The following USP45 variants were observed in gnomAD, a reference collection of about 807,000 sequenced individuals.
The protein encoded by USP45 is ubiquitin specific peptidase 45.
Under a neutral mutation model 95.8 loss-of-function variants are expected in USP45, and 89 were observed. That is an observed-to-expected ratio of 0.93 (90% CI 0.78 to 1.11). The LOEUF is 1.11. Among genes scored for constraint, USP45 ranks in the 50% least tolerant of loss-of-function variants. The probability of loss-of-function intolerance (pLI) is 0.00; values close to 1 mark genes in which losing one functional copy is unlikely to be tolerated. For synonymous variants in USP45, 281 were observed against 316.2 expected (o/e 0.89, Z 1.18); for missense variants, 898 against 942.5 (o/e 0.95, Z 0.62).
intron 8 of USP45, among the ~76,000 whole-genome samples, chr6:99,481,403 A>C (rs1792387736): frequency 6.6e-6 from 1 of 152,236 alleles, no homozygotes; most frequent in Non-Finnish European, 1.5e-5. Context: ...AATTTTTAAA[A>C]TGTTAATAAA....
At chr6:99,492,477 A>G (rs1268393288) in intron 5 of USP45, among the ~76,000 whole-genome samples, 1 of 152,178 alleles carries the variant, frequency 6.6e-6, no homozygotes, top group Non-Finnish European at 1.5e-5. Context: ...TCAAACAGAT[A>G]ATTTAACTAG....
Position 99,476,141 on chromosome 6 carries a change from A to G in USP45, c.933+2T>C. The G allele has an allele frequency of 6.2e-7, 1 of 1,611,996 alleles. No individual in the cohort carries two copies. The highest frequency in any genetic ancestry group is 1.1e-5 in the South Asian group (1 of 90,858). ...TACATGATATACATAAAGAAACCTG[A>G]CCTTTGTTTCTTCTGTCCTCACTGC... On this transcript the variant is annotated splice_donor_variant, in intron 9 of 17. Coordinates refer to ENST00000500704, the MANE Select transcript of USP45 (RefSeq NM_001346022.3). LOFTEE classifies it high-confidence loss of function.
At chr6:99,505,844 G>C (rs1374287304) in intron 4 of USP45, among the ~76,000 whole-genome samples, 1 of 151,970 alleles carries the variant, frequency 6.6e-6, no homozygotes, top group African/African-American at 2.4e-5. Context: ...TCTAAGACTG[G>C]GATCCTGCAA....
At chr6:99,466,166 C>G (rs1332625425) in intron 11 of USP45, among the ~76,000 whole-genome samples, 3 of 152,134 alleles carry the variant, frequency 2.0e-5, no homozygotes, top group African/African-American at 4.8e-5. Flanking sequence ...TAGGCACCCA[C>G]CACCATGCCT....
rs578201906 is a variant in USP45, at chr6:99,452,429, C to T, written c.1309-5966G>A. ...AGCTAACAGACACATGAAAAAAATGCTCATCATCACTGGCCATCAGAGAAA... is the reference window on the plus strand; with the variant it reads ...AGCTAACAGACACATGAAAAAAATGTTCATCATCACTGGCCATCAGAGAAA... On this transcript the variant is annotated intron_variant, in intron 13 of 17. Transcript: ENST00000500704. Among the ~76,000 whole-genome samples the T allele has an allele frequency of 3.9e-5, 6 of 152,298 alleles. No individual in the cohort carries two copies. In the South Asian group the frequency reaches 1.2e-3, roughly 32 times the overall value.
chr6:99,477,629 G>A (rs1482244027), intron 8 of USP45, among the ~76,000 whole-genome samples: 1 of 152,092 alleles, frequency 6.6e-6, no homozygotes, highest in East Asian at 1.9e-4. Flanking sequence ...AGTACTTTCA[G>A]CATTATTCTT....
chr6:99,437,173 A>G, intron 17 of USP45, 73 bp downstream of exon 17: 1 of 1,456,754 alleles, frequency 6.9e-7, no homozygotes. Flanking sequence ...ATGAAATAAT[A>G]ACTTAGCTCT....
chr6:99,449,297 T>A (rs946890182), intron 13 of USP45, among the ~76,000 whole-genome samples: 1 of 151,982 alleles, frequency 6.6e-6, no homozygotes, highest in Non-Finnish European at 1.5e-5. Context: ...GAGACACACA[T>A]AGACTCAAAA....
rs201007201 is a variant in USP45, at chr6:99,479,248, CA to C, written c.846-3019del. Among the ~76,000 whole-genome samples the C allele has an allele frequency of 1.1e-3, 164 of 151,798 alleles. 4 individuals are homozygous for C. In the East Asian group the frequency reaches 0.024, roughly 23 times the overall value. On this transcript the variant is annotated intron_variant, in intron 8 of 17. Coordinates refer to ENST00000500704, the MANE Select transcript of USP45 (RefSeq NM_001346022.3). ...TAGTATATTTTATTTTTTAGAGAGACAGGGGTGACAGGAGTGCAATGACATT... is the reference window on the plus strand; with the variant it reads ...TAGTATATTTTATTTTTTAGAGAGACGGGGTGACAGGAGTGCAATGACATT...
At chr6:99,476,056 A>C in intron 9 of USP45, 87 bp downstream of exon 9, 1 of 1,228,384 alleles carries the variant, frequency 8.1e-7, no homozygotes, top group Non-Finnish European at 1.2e-6. Context: ...ACCTCAGATG[A>C]TCCACCCCGC....
At chr6:99,481,369 A>C (rs746196080) in intron 8 of USP45, among the ~76,000 whole-genome samples, 6 of 152,204 alleles carry the variant, frequency 3.9e-5, no homozygotes, top group Non-Finnish European at 7.3e-5. Flanking sequence ...ATTTTTATCT[A>C]TGAGTGCCCA....
chr6:99,460,710 T>A (rs1294410282), intron 13 of USP45: 3 of 857,866 alleles, frequency 3.5e-6, no homozygotes, highest in African/African-American at 1.8e-5. Context: ...AATAGAAAGA[T>A]TGAAATTTTC....
chr6:99,477,113 A>G (rs985395955), intron 8 of USP45, among the ~76,000 whole-genome samples: 4 of 152,356 alleles, frequency 2.6e-5, no homozygotes, highest in Non-Finnish European at 1.5e-5. Flanking sequence ...ATTATAGTAG[A>G]AGACACATTT....
chr6:99,491,965 A>G (rs1795273582), intron 5 of USP45, among the ~76,000 whole-genome samples: 2 of 152,230 alleles, frequency 1.3e-5, no homozygotes, highest in Admixed American at 6.5e-5. Context: ...AAATACATAT[A>G]TACACAGACA....
intron 2 of USP45, 101 bp from the exon 3 acceptor site, chr6:99,508,883 G>A: frequency 3.0e-6 from 3 of 1,000,644 alleles, no homozygotes; most frequent in Middle Eastern, 2.9e-4. Context: ...TAACTAAAAA[G>A]CACAGAGATT....
intron 5 of USP45, among the ~76,000 whole-genome samples, chr6:99,493,726 T>C (rs1583365360): frequency 1.3e-5 from 2 of 152,268 alleles, no homozygotes; most frequent in East Asian, 3.9e-4. Flanking sequence ...CTCGAACTCC[T>C]GACCTCAGGT....
intron 13 of USP45, among the ~76,000 whole-genome samples, chr6:99,446,674 CA>C (rs1383196413): frequency 1.3e-5 from 2 of 152,148 alleles, no homozygotes; most frequent in Non-Finnish European, 2.9e-5. Flanking sequence ...AACAGTGTAA[CA>C]GAGGCTATTT....
intron 13 of USP45, among the ~76,000 whole-genome samples, chr6:99,454,788 T>C (rs1395402803): frequency 2.0e-5 from 3 of 152,118 alleles, no homozygotes; most frequent in African/African-American, 7.2e-5. Context: ...ACAGCCATCA[T>C]AGAAAACAGT....
At chr6:99,486,704 A>T (rs1793977484) in intron 7 of USP45, among the ~76,000 whole-genome samples, 1 of 152,002 alleles carries the variant, frequency 6.6e-6, no homozygotes, top group Non-Finnish European at 1.5e-5. Context: ...ACTGTCTTTC[A>T]AAAGTGCCTA....
Sources: gnomAD v4.1 joint callset for allele counts (sites outside exome capture counted in the v4.1 genomes callset) on GRCh38, gnomAD v4.1.1 for gene constraint, MANE v1.5 for transcripts, NCBI Gene and HGNC (gene_info 2026-07-23, HGNC 2026-07-21) for gene names.